RBFOX1: variants seen among roughly 807,000 people sequenced by gnomAD.
RBFOX1 encodes the protein RNA binding protein fox-1 homolog 1.
A neutral mutation model predicts 57.7 loss-of-function variants in RBFOX1; 8 were observed. The observed-to-expected ratio is 0.14, with a 90% CI of 0.08 to 0.25. The LOEUF is 0.25. RBFOX1 is among the 10% of genes least tolerant of loss of function. RBFOX1 has a pLI of 1.00. For missense variants in RBFOX1, 611 were observed against 548.5 expected (o/e 1.11, Z -1.14); for synonymous variants, 326 against 222.4 (o/e 1.47, Z -4.15).
At chr16:6,715,425 C>T (rs975479778) in intron 3 of RBFOX1, among the ~76,000 whole-genome samples, 1 of 152,106 alleles carries the variant, frequency 6.6e-6, no homozygotes, top group Non-Finnish European at 1.5e-5. Context: ...TTTAACATAG[C>T]AAGCCATCAG....
chr16:5,309,048 C>T (rs1473358577), intron 1 of RBFOX1, among the ~76,000 whole-genome samples: 1 of 152,128 alleles, frequency 6.6e-6, no homozygotes, highest in Non-Finnish European at 1.5e-5. Flanking sequence ...TTCCTCTACT[C>T]CACTTCCTGT....
chr16:6,898,529 C>T (rs568804705), intron 3 of RBFOX1, among the ~76,000 whole-genome samples: 4 of 152,206 alleles, frequency 2.6e-5, no homozygotes, highest in South Asian at 2.1e-4. Flanking sequence ...AAAGTACAGA[C>T]GCAAAGGAAA....
chr16:6,739,764 C>T lies in RBFOX1; in HGVS notation c.-16+85114C>T, dbSNP rs199890046. On this transcript the variant is annotated intron_variant, in intron 3 of 15. Transcript: ENST00000550418. ...TGGTGGCAGGTGCCTGTAGTCTCGGCTCCTCGGGAGGCTGAGGCAGGAGAA... is the reference window on the plus strand; with the variant it reads ...TGGTGGCAGGTGCCTGTAGTCTCGGTTCCTCGGGAGGCTGAGGCAGGAGAA... 2.0e-4 allele frequency among the ~76,000 whole-genome samples: 30 copies of T among 152,188 alleles called. 1 individual carries two copies. The East Asian group carries it at 4.6e-3, about 24-fold the overall frequency.
intron 4 of RBFOX1, among the ~76,000 whole-genome samples, chr16:7,171,355 TG>T (rs1249568843): frequency 6.6e-6 from 1 of 152,202 alleles, no homozygotes; most frequent in Non-Finnish European, 1.5e-5. Flanking sequence ...AATGCTTAGC[TG>T]AGCACTTGAC....
At chr16:6,695,169 C>G (rs2060828178) in intron 3 of RBFOX1, among the ~76,000 whole-genome samples, 1 of 151,984 alleles carries the variant, frequency 6.6e-6, no homozygotes, top group Non-Finnish European at 1.5e-5. Context: ...CCTGAAATCC[C>G]AGCACTTTGG....
At chr16:5,310,817 C>T (rs1235880270) in intron 1 of RBFOX1, among the ~76,000 whole-genome samples, 1 of 152,206 alleles carries the variant, frequency 6.6e-6, no homozygotes, top group East Asian at 1.9e-4. Context: ...ATAGTTTGTA[C>T]AAATGAAGTA....
At chr16:6,328,383 C>T (rs982251079) in intron 2 of RBFOX1, among the ~76,000 whole-genome samples, 7 of 152,094 alleles carry the variant, frequency 4.6e-5, no homozygotes, top group South Asian at 2.1e-4. Flanking sequence ...CACTAAAGAA[C>T]TTATTCATAT....
intron 1 of RBFOX1, among the ~76,000 whole-genome samples, chr16:5,241,412 C>T (rs1216572963): frequency 6.6e-6 from 1 of 152,146 alleles, no homozygotes; most frequent in Non-Finnish European, 1.5e-5. Context: ...GCGTGAAGTC[C>T]CTCTCACTCC....
chr16:7,241,732 CACAA>C (rs780017633), intron 4 of RBFOX1, among the ~76,000 whole-genome samples: 36 of 151,972 alleles, frequency 2.4e-4, no homozygotes, highest in Non-Finnish European at 4.7e-4. Context: ...TATGCATATA[CACAA>C]ACACACACAC....
chr16:5,272,795 G>GAGCC (rs1321736264), intron 1 of RBFOX1, among the ~76,000 whole-genome samples: 1 of 152,040 alleles, frequency 6.6e-6, no homozygotes, highest in Admixed American at 6.6e-5. Flanking sequence ...TGGGAATTCT[G>GAGCC]AGCCCTGGTT....
rs570614987 is a variant in RBFOX1 at position 5,536,349 on chromosome 16, C to G, written c.259-62553C>G. On this transcript the variant is annotated intron_variant, in intron 2 of 2. Coordinates refer to the RBFOX1 transcript ENST00000585867. The stretch of plus-strand genomic sequence containing the variant: ...TGCTGGGTTCAAGCGATTCTCCTGC[C>G]TCAGCCTGCTGAGTAGCTGGGATTA... Among the ~76,000 whole-genome samples, 695 of 151,244 alleles carry G rather than the reference C, an allele frequency of 4.6e-3. 7 individuals are homozygous for G. Among genetic ancestry groups the G allele is most frequent in the Middle Eastern group, 0.01 (3 of 294 alleles).
chr16:6,054,564 A>C (rs1462769490), intron 1 of RBFOX1, among the ~76,000 whole-genome samples: 2 of 152,152 alleles, frequency 1.3e-5, no homozygotes, highest in Admixed American at 6.5e-5. Context: ...CTGGGTTGAC[A>C]CCCTGACCAT....
intron 14 of RBFOX1, among the ~76,000 whole-genome samples, chr16:7,691,682 T>C (rs2077371784): frequency 6.6e-6 from 1 of 152,192 alleles, no homozygotes; most frequent in Non-Finnish European, 1.5e-5. Context: ...TTTACATCTG[T>C]TTTTGTCTCC....
At chr16:6,602,593 G>T (rs1317930098) in intron 2 of RBFOX1, among the ~76,000 whole-genome samples, 1 of 152,104 alleles carries the variant, frequency 6.6e-6, no homozygotes, top group Non-Finnish European at 1.5e-5. Flanking sequence ...GCCAGGCGGG[G>T]ACTCCTGGGA....
intron 1 of RBFOX1, among the ~76,000 whole-genome samples, chr16:5,304,870 A>G (rs1215251617): frequency 6.6e-6 from 1 of 152,136 alleles, no homozygotes; most frequent in Non-Finnish European, 1.5e-5. Flanking sequence ...AAATGTTTTC[A>G]TTTGCATTTC....
intron 4 of RBFOX1, among the ~76,000 whole-genome samples, chr16:5,881,570 C>T (rs940440894): frequency 1.3e-5 from 2 of 152,058 alleles, no homozygotes; most frequent in Non-Finnish European, 1.5e-5. Context: ...ATCCCAGCTA[C>T]TTGGGAGGCT....
intron 2 of RBFOX1, among the ~76,000 whole-genome samples, chr16:5,476,844 C>G (rs944455006): frequency 1.3e-5 from 2 of 152,132 alleles, no homozygotes; most frequent in African/African-American, 4.8e-5. Context: ...CTTGCGTCTT[C>G]CAGGCAGCCC....
At chr16:6,711,043 T>A (rs1161600493) in intron 3 of RBFOX1, among the ~76,000 whole-genome samples, 1 of 152,110 alleles carries the variant, frequency 6.6e-6, no homozygotes, top group African/African-American at 2.4e-5. Context: ...GCCTTAAAGG[T>A]TGTGGTAAGG....
At chr16:5,761,904 C>G (rs977749442) in intron 3 of RBFOX1, among the ~76,000 whole-genome samples, 1 of 152,072 alleles carries the variant, frequency 6.6e-6, no homozygotes, top group African/African-American at 2.4e-5. Context: ...TTCCCCTGAC[C>G]CCTATCAAAG....
Sources: allele counts gnomAD v4.1 joint callset (sites outside exome capture counted in the v4.1 genomes callset), GRCh38; gene constraint gnomAD v4.1.1; transcripts MANE v1.5; gene names NCBI Gene and HGNC (gene_info 2026-07-23, HGNC 2026-07-21).